Variants in KIF26B observed in about 807,000 individuals in gnomAD.
The protein encoded by KIF26B is kinesin family member 26B.
A neutral mutation model predicts 151.2 loss-of-function variants in KIF26B; 63 were observed. The ratio of observed to expected loss-of-function variants is 0.42; its 90% CI spans 0.34 to 0.51. The LOEUF (loss-of-function observed/expected upper bound fraction) is 0.51. KIF26B is among the 20% of genes least tolerant of loss of function. The probability of loss-of-function intolerance (pLI) is 0.07; values close to 1 mark genes in which losing one functional copy is unlikely to be tolerated. For missense variants in KIF26B, 2,813 were observed against 2,913.6 expected (o/e 0.97, Z 0.79); for synonymous variants, 1,357 against 1,262.1 (o/e 1.08, Z -1.59).
intron 5 of KIF26B, among the ~76,000 whole-genome samples, chr1:245,558,964 T>C (rs778415610): frequency 1.3e-5 from 2 of 152,222 alleles, no homozygotes; most frequent in Non-Finnish European, 2.9e-5. Context: ...TTGTCAGTTA[T>C]GTAAGAAAAA....
At chr1:245,320,428 T>G (rs1329153028) in intron 2 of KIF26B, among the ~76,000 whole-genome samples, 34 of 152,266 alleles carry the variant, frequency 2.2e-4, no homozygotes, top group Admixed American at 1.8e-3. Context: ...GCATCTTGCC[T>G]TAGTGTGCTA....
At chr1:245,513,132 CCACCCTCCTCCA>C (rs1188589611) in intron 4 of KIF26B, among the ~76,000 whole-genome samples, 3 of 151,900 alleles carry the variant, frequency 2.0e-5, no homozygotes, top group Non-Finnish European at 2.9e-5. Context: ...GGAAGCAACC[CCACCCTCCTCCA>C]CACCCTCCTC....
intron 3 of KIF26B, among the ~76,000 whole-genome samples, chr1:245,395,721 C>T (rs554537252): frequency 1.3e-5 from 2 of 152,270 alleles, no homozygotes; most frequent in South Asian, 4.1e-4. Flanking sequence ...ATCTGATATA[C>T]CCCCCAAAGT....
At chr1:245,386,423 C>T (rs819891) in intron 3 of KIF26B, among the ~76,000 whole-genome samples, 14,190 of 151,644 alleles carry the variant, frequency 0.094, 847 homozygotes, top group East Asian at 0.32. Flanking sequence ...TGATGGGGGC[C>T]GGGGGCTATG....
chr1:245,524,140 G>A (rs1463680860), intron 4 of KIF26B, among the ~76,000 whole-genome samples: 4 of 152,302 alleles, frequency 2.6e-5, no homozygotes, highest in South Asian at 2.1e-4. Context: ...ACATTTCTTA[G>A]GCTCTGAATT....
intron 3 of KIF26B, among the ~76,000 whole-genome samples, chr1:245,394,684 C>CTTT (rs1444711983): frequency 0.076 from 9,315 of 122,494 alleles, 699 homozygotes; most frequent in African/African-American, 0.19. Flanking sequence ...AAGTTTTTTT[C>CTTT]TTTCTTTTTT....
At chr1:245,282,923 G>T (rs1476399935) in intron 2 of KIF26B, 2 of 324,540 alleles carry the variant, frequency 6.2e-6, no homozygotes, top group Admixed American at 6.7e-5. Context: ...TTGTCATTTT[G>T]GGTTCAAACC....
At position 245,393,716 on chromosome 1, in the gene KIF26B, A is replaced by G. The variant is rs1393691048; in HGVS notation, c.1000-25863A>G. Among the ~76,000 whole-genome samples, 5 of 152,140 alleles carry G rather than the reference A, an allele frequency of 3.3e-5. 1 individual carries two copies. The East Asian group carries it at 9.6e-4, about 29-fold the overall frequency. On this transcript the variant is annotated intron_variant, in intron 3 of 14. Coordinates refer to ENST00000407071, the MANE Select transcript of KIF26B (RefSeq NM_018012.4). The stretch of plus-strand genomic sequence containing the variant: ...TCTAATTTCCAGCTTGCTGAGTGTA[A>G]ATTTTGGCTGCCAGGTTTTGGGAGC...
intron 9 of KIF26B, among the ~76,000 whole-genome samples, chr1:245,612,640 A>G (rs1019982071): frequency 2.0e-5 from 3 of 152,196 alleles, no homozygotes; most frequent in African/African-American, 7.2e-5. Flanking sequence ...GCTCCTCAAG[A>G]AAGACCAACA....
chr1:245,169,134 C>G (rs1257131219), intron 2 of KIF26B, among the ~76,000 whole-genome samples: 1 of 152,018 alleles, frequency 6.6e-6, no homozygotes, highest in Non-Finnish European at 1.5e-5. Flanking sequence ...TGGTGCCCCT[C>G]CCTCGTCCTT....
chr1:245,418,000 A>G (rs1263147927), intron 3 of KIF26B, among the ~76,000 whole-genome samples: 1 of 152,134 alleles, frequency 6.6e-6, no homozygotes, highest in Non-Finnish European at 1.5e-5. Flanking sequence ...AAGTTGTCGC[A>G]TGAATTTGGG....
chr1:245,177,067 G>A (rs1014272914), intron 2 of KIF26B, among the ~76,000 whole-genome samples: 5 of 152,178 alleles, frequency 3.3e-5, no homozygotes, highest in African/African-American at 1.2e-4. Context: ...CGATCTGCTT[G>A]CCTCAGCCTC....
chr1:245,190,269 C>T (rs1178748663), intron 2 of KIF26B, among the ~76,000 whole-genome samples: 1 of 152,186 alleles, frequency 6.6e-6, no homozygotes, highest in Non-Finnish European at 1.5e-5. Flanking sequence ...ATGGGATGTT[C>T]CCCCGAGGGC....
At chr1:245,483,680 G>A (rs35154278) in intron 4 of KIF26B, among the ~76,000 whole-genome samples, 27,809 of 151,800 alleles carry the variant, frequency 0.18, 3,171 homozygotes, top group African/African-American at 0.28. Context: ...CGTGGGTAGT[G>A]AACTTGTAAC....
Position 245,357,276 on chromosome 1 carries a change from T to G in KIF26B, c.466-9558T>G, listed in dbSNP as rs187310924. ...TGTTTTCTTGAGAGTGGACTCCAGG[T>G]GGGTAAGAGTAGAAGTTATCATTAC... On this transcript the variant is annotated intron_variant, in intron 2 of 14. Coordinates refer to ENST00000407071, the MANE Select transcript of KIF26B (RefSeq NM_018012.4). 3.0e-4 allele frequency among the ~76,000 whole-genome samples: 46 copies of G among 152,296 alleles called. 1 individual carries two copies. The highest frequency in any genetic ancestry group is 1.0e-3 in the African/African-American group (43 of 41,572).
chr1:245,225,072 C>CGGGGG (rs1558352079), intron 2 of KIF26B, among the ~76,000 whole-genome samples: 1 of 152,224 alleles, frequency 6.6e-6, no homozygotes, highest in Non-Finnish European at 1.5e-5. Flanking sequence ...ACTTCTACCA[C>CGGGGG]AATGTCTGAG....
At chr1:245,578,852 A>G (rs1372152122) in intron 5 of KIF26B, among the ~76,000 whole-genome samples, 1 of 152,142 alleles carries the variant, frequency 6.6e-6, no homozygotes, top group South Asian at 2.1e-4. Flanking sequence ...ACTTCATTCA[A>G]CTCTCTGGGT....
chr1:245,443,342 C>T (rs1486532634), intron 4 of KIF26B, among the ~76,000 whole-genome samples: 1 of 149,394 alleles, frequency 6.7e-6, no homozygotes, highest in Non-Finnish European at 1.5e-5. Flanking sequence ...CACTGTTCAC[C>T]TAGAGCTGTC....
At chr1:245,389,570 G>A (rs570544094) in intron 3 of KIF26B, among the ~76,000 whole-genome samples, 25 of 152,288 alleles carry the variant, frequency 1.6e-4, no homozygotes, top group South Asian at 1.0e-3. Flanking sequence ...CATTAAAAAT[G>A]AAATTATATT....
Sources: gnomAD v4.1 joint callset for allele counts (sites outside exome capture counted in the v4.1 genomes callset) on GRCh38, gnomAD v4.1.1 for gene constraint, MANE v1.5 for transcripts, NCBI Gene and HGNC (gene_info 2026-07-23, HGNC 2026-07-21) for gene names.